GNG7: variants seen among roughly 807,000 people sequenced by gnomAD.
GNG7 encodes the protein guanine nucleotide-binding protein G(I)/G(S)/G(O) subunit gamma-7.
In GNG7, 1 loss-of-function variant was observed where a neutral mutation model predicts 4.0. The observed-to-expected ratio is 0.25, with a 90% CI of 0.09 to 1.18. The LOEUF is 1.18. Ranked by LOEUF, GNG7 falls within the 50% of genes most tolerant of loss-of-function variation. GNG7 has a pLI of 0.50. For missense variants in GNG7, 86 were observed against 91.9 expected, an observed-to-expected ratio of 0.94 and a Z score of 0.26; for synonymous variants, 34 against 36.9, an observed-to-expected ratio of 0.92 and a Z score of 0.29.
chr19:2,688,613 C>T (rs958979790), intron 1 of GNG7, among the ~76,000 whole-genome samples: 2 of 152,090 alleles, frequency 1.3e-5, no homozygotes, highest in Non-Finnish European at 2.9e-5. Context: ...GTCCAGGTCA[C>T]GAGAGGTAAC....
intron 4 of GNG7, 140 bp from the exon 5 acceptor site, chr19:2,515,287 G>T: frequency 1.0e-6 from 1 of 960,674 alleles, no homozygotes; most frequent in Non-Finnish European, 1.5e-6. Context: ...AAACAGTGCG[G>T]CCCGTCCACA....
chr19:2,550,713 C>T (rs80195715), intron 3 of GNG7, among the ~76,000 whole-genome samples: 3,467 of 152,296 alleles, frequency 0.023, 134 homozygotes, highest in African/African-American at 0.079. Flanking sequence ...GGCCAGCCCC[C>T]GGGCCTTGCC....
chr19:2,533,490 C>T (rs907679493), intron 3 of GNG7, among the ~76,000 whole-genome samples: 1 of 152,132 alleles, frequency 6.6e-6, no homozygotes, highest in African/African-American at 2.4e-5. Flanking sequence ...TTGGTGTACA[C>T]AGGTGTACAC....
At chr19:2,612,020 A>G (rs567159631) in intron 2 of GNG7, among the ~76,000 whole-genome samples, 133 of 151,838 alleles carry the variant, frequency 8.8e-4, no homozygotes, top group African/African-American at 2.9e-3. Context: ...AACTACAGGC[A>G]CCCGCCACCA....
At chr19:2,538,533 A>G (rs570883645) in intron 3 of GNG7, 5 of 349,540 alleles carry the variant, frequency 1.4e-5, no homozygotes, top group Non-Finnish European at 2.8e-5. Flanking sequence ...CGGGAGGCTG[A>G]GGCAGGAAGA....
At chr19:2,667,048 G>C (rs1024647390) in intron 1 of GNG7, among the ~76,000 whole-genome samples, 4 of 152,190 alleles carry the variant, frequency 2.6e-5, no homozygotes, top group African/African-American at 9.7e-5. Context: ...ATCCGGGCGC[G>C]GTGGCTCACG....
intron 3 of GNG7, among the ~76,000 whole-genome samples, chr19:2,533,891 G>A (rs1978664073): frequency 6.6e-6 from 1 of 152,140 alleles, no homozygotes; most frequent in South Asian, 2.1e-4. Flanking sequence ...CTCTGCAAAA[G>A]CCTTAGAACA....
intron 1 of GNG7, among the ~76,000 whole-genome samples, chr19:2,689,814 G>A (rs555811048): frequency 1.6e-4 from 24 of 152,074 alleles, no homozygotes; most frequent in Non-Finnish European, 2.6e-4. Context: ...TAAAGCGTGC[G>A]AGATGGACTC....
rs911220043 is a variant in GNG7 at position 2,633,355 on chromosome 19, C to A, written c.-78+12869G>T. Among the ~76,000 whole-genome samples the A allele has an allele frequency of 6.6e-6, 1 of 152,156 alleles. No individual in the cohort carries two copies. The highest frequency in any genetic ancestry group is 1.5e-5 in the Non-Finnish European group (1 of 68,034). ...TCTCATCATATGCGACTGTCACCGCCGTGTGTATTTTGAGTCAAAGGCGGC... is the reference window on the plus strand; with the variant it reads ...TCTCATCATATGCGACTGTCACCGCAGTGTGTATTTTGAGTCAAAGGCGGC... On this transcript the variant is annotated intron_variant, in intron 2 of 4. Coordinates refer to ENST00000382159, the MANE Select transcript of GNG7 (RefSeq NM_052847.3). This position sits in a 1 kb window ranked among gnomAD's most constrained non-coding sequence, Gnocchi z 5.9.
At position 2,515,789 on chromosome 19, in the gene GNG7, G is replaced by A. The variant is rs112180602; in HGVS notation, c.82-642C>T. 4.9e-3 allele frequency among the ~76,000 whole-genome samples: 742 copies of A among 152,212 alleles called. 4 individuals carry two copies. Among genetic ancestry groups the A allele is most frequent in the African/African-American group, 0.017 (699 of 41,534 alleles). On this transcript the variant is annotated intron_variant, in intron 4 of 4. Coordinates refer to ENST00000382159, the MANE Select transcript of GNG7 (RefSeq NM_052847.3). The stretch of plus-strand genomic sequence containing the variant: ...ATCCACAGAGACAGGAAGGGGATGC[G>A]TGGGTGCCGGTGCTGGGGAGTGATG...
chr19:2,606,296 C>T (rs1213726157), intron 2 of GNG7, among the ~76,000 whole-genome samples: 3 of 151,960 alleles, frequency 2.0e-5, no homozygotes, highest in African/African-American at 7.3e-5. Context: ...CACTTGAGCC[C>T]AGGAGTTGGA....
intron 1 of GNG7, among the ~76,000 whole-genome samples, chr19:2,673,742 A>G (rs1983525609): frequency 6.6e-6 from 1 of 152,038 alleles, no homozygotes. Context: ...AAATGTAAAT[A>G]AAGTGTGGAG....
intron 1 of GNG7, among the ~76,000 whole-genome samples, chr19:2,680,989 G>A (rs1394788533): frequency 6.6e-6 from 1 of 151,916 alleles, no homozygotes; most frequent in Non-Finnish European, 1.5e-5. Flanking sequence ...ATCTTACTGG[G>A]CGTGAAGTGG....
chr19:2,613,161 ACC>A (rs11339105), intron 2 of GNG7, among the ~76,000 whole-genome samples: 1 of 152,028 alleles, frequency 6.6e-6, no homozygotes, highest in African/African-American at 2.4e-5. Flanking sequence ...TGCAAGTTTA[ACC>A]CGGCTGGTGG....
At chr19:2,636,597 G>A (rs1982314492) in intron 2 of GNG7, among the ~76,000 whole-genome samples, 1 of 152,100 alleles carries the variant, frequency 6.6e-6, no homozygotes, top group African/African-American at 2.4e-5. Flanking sequence ...TTCCCTGACT[G>A]CCTTAAGGCC....
At chr19:2,587,238 A>T in intron 2 of GNG7, among the ~76,000 whole-genome samples, 1 of 152,196 alleles carries the variant, frequency 6.6e-6, no homozygotes, top group African/African-American at 2.4e-5. Context: ...GTCCCTGAGC[A>T]TCTGGCTCTA....
chr19:2,643,272 G>A (rs536918951), intron 2 of GNG7: 10 of 428,368 alleles, frequency 2.3e-5, no homozygotes, highest in South Asian at 3.6e-5. Flanking sequence ...ACACCTTCCC[G>A]CCCTGCACCA....
intron 1 of GNG7, among the ~76,000 whole-genome samples, chr19:2,655,859 A>AAATATATATATATATATATATATATATAT: frequency 7.5e-6 from 1 of 133,770 alleles, no homozygotes; most frequent in African/African-American, 3.3e-5. Context: ...AAAAAAAAAA[A>AAATATATATATATATATATATATATATAT]ATACATATAT....
At chr19:2,593,922 T>G (rs2144804135) in intron 2 of GNG7, among the ~76,000 whole-genome samples, 1 of 93,288 alleles carries the variant, frequency 1.1e-5, no homozygotes, top group East Asian at 3.0e-4. Flanking sequence ...CCGAAATATT[T>G]GATGCCAAAA....
Sources: allele counts gnomAD v4.1 joint callset (sites outside exome capture counted in the v4.1 genomes callset), GRCh38; gene constraint gnomAD v4.1.1; non-coding constraint Gnocchi (gnomAD v3.1); transcripts MANE v1.5; gene names NCBI Gene and HGNC (gene_info 2026-07-23, HGNC 2026-07-21).